PPP1R37: variants seen among roughly 807,000 people sequenced by gnomAD.
PPP1R37 encodes the protein protein phosphatase 1 regulatory subunit 37, also known as leucine rich repeat containing 68.
Under a neutral mutation model 61.0 loss-of-function variants are expected in PPP1R37, and 21 were observed. The observed-to-expected ratio is 0.34, with a 90% CI of 0.24 to 0.50. The LOEUF is 0.50. Ranked by LOEUF, PPP1R37 falls within the 20% of genes least tolerant of loss-of-function variation. The probability of loss-of-function intolerance (pLI) is 0.98; values close to 1 mark genes in which losing one functional copy is unlikely to be tolerated. For missense variants in PPP1R37, 910 were observed against 952.7 expected (o/e 0.96, Z 0.59); for synonymous variants, 443 against 433.5 (o/e 1.02, Z -0.27).
At position 45,140,519 on chromosome 19, in the gene PPP1R37, C is replaced by T; in HGVS notation, c.360C>T (p.Asp120=). Residue 120 remains aspartate (D), a synonymous_variant, in exon 4 of 13, where the codon GAC becomes GAT. Coordinates refer to ENST00000221462, the MANE Select transcript of PPP1R37 (RefSeq NM_019121.2). Reference sequence around the variant, plus strand: ...GTCTCCCCCCAGGTGAGAAGCTTGACTACAAGACCTGTGAGGCCCTGGAAG... The same window carrying T: ...GTCTCCCCCCAGGTGAGAAGCTTGATTACAAGACCTGTGAGGCCCTGGAAG... The part of the protein sequence containing the change: ...DCLDLKGEKL[D]YKTCEALEEV... The T allele has an allele frequency of 6.5e-7, 1 of 1,535,930 alleles. No individual in the cohort carries two copies. Among genetic ancestry groups the T allele is most frequent in the South Asian group, 1.2e-5 (1 of 84,064 alleles).
At chr19:45,123,249 G>T (rs758895135) in intron 1 of PPP1R37, among the ~76,000 whole-genome samples, 29 of 152,176 alleles carry the variant, frequency 1.9e-4, no homozygotes, top group Admixed American at 5.2e-4. Context: ...TGTCCCAGGG[G>T]TGAGTGCACC....
chr19:45,114,951 A>G (rs1968246107), intron 1 of PPP1R37, among the ~76,000 whole-genome samples: 1 of 152,192 alleles, frequency 6.6e-6, no homozygotes, highest in Admixed American at 6.5e-5. Context: ...ATCCCAGCAG[A>G]AAGCCCTGGG....
intron 3 of PPP1R37, 112 bp from the exon 4 acceptor site, chr19:45,140,394 C>T: frequency 7.8e-7 from 1 of 1,285,056 alleles, no homozygotes; most frequent in Non-Finnish European, 1.1e-6. Flanking sequence ...CTGAGCTCAG[C>T]CAGGGCAGGG....
chr19:45,099,790 A>C (rs1015508805), intron 1 of PPP1R37, among the ~76,000 whole-genome samples: 5 of 152,158 alleles, frequency 3.3e-5, no homozygotes, highest in Admixed American at 6.5e-5. Flanking sequence ...GGGATCAAAC[A>C]CCCCATGGTG....
chr19:45,116,275 G>T (rs984975334), intron 1 of PPP1R37, among the ~76,000 whole-genome samples: 4 of 152,250 alleles, frequency 2.6e-5, no homozygotes, highest in Non-Finnish European at 5.9e-5. Context: ...GGAAGGGAAG[G>T]CAGGCCTGTG....
In PPP1R37 at chr19:45,145,837, C is replaced by T. The variant is rs1374965642; in HGVS notation, c.1781C>T (p.Pro594Leu). Residue 594 changes from proline to leucine, a missense_variant, in exon 11 of 13, where the codon CCC becomes CTC. By Grantham distance (98) the Pro-to-Leu change is moderately conservative (BLOSUM62 -3). Around this residue, in one of 3 missense-constraint regions of PPP1R37, gnomAD observed 549 missense variants for 505.1 expected, o/e 1.09. Transcript: ENST00000221462. Reference sequence around the variant, plus strand: ...TCCCCCACCCCTCCCTCTCCCCCACCCCCTCCCTCCCCACCCGCCTCACCT... The same window carrying T: ...TCCCCCACCCCTCCCTCTCCCCCACTCCCTCCCTCCCCACCCGCCTCACCT... The part of the protein sequence containing the change: ...PASPTPPSPP[P>L]PPSPPASPSL... 2.8e-6 allele frequency: 4 copies of T among 1,405,272 alleles called. No homozygotes were observed. The highest frequency in any genetic ancestry group is 3.8e-6 in the Non-Finnish European group (4 of 1,052,150). 87.1% of individuals were successfully genotyped at this position (1,405,272 alleles called of 1,614,324 possible).
intron 1 of PPP1R37, among the ~76,000 whole-genome samples, chr19:45,125,231 G>A (rs981319647): frequency 3.9e-5 from 6 of 152,226 alleles, no homozygotes; most frequent in East Asian, 1.9e-4. Flanking sequence ...TTGGGAGGCC[G>A]AGGCGGGCGG....
intron 1 of PPP1R37, 39 bp downstream of exon 1, chr19:45,093,566 G>T: frequency 1.3e-6 from 2 of 1,498,674 alleles, no homozygotes; most frequent in South Asian, 1.2e-5. Context: ...GCTCGAGAGG[G>T]ACCCGGGAGT....
intron 1 of PPP1R37, among the ~76,000 whole-genome samples, chr19:45,096,500 T>C (rs1967995174): frequency 6.6e-6 from 1 of 152,228 alleles, no homozygotes; most frequent in African/African-American, 2.4e-5. Context: ...CTCATAAATT[T>C]CTGCCACATA....
chr19:45,128,551 A>G, intron 1 of PPP1R37: 1 of 1,225,918 alleles, frequency 8.2e-7, no homozygotes, highest in Non-Finnish European at 1.2e-6. Flanking sequence ...CGAGAGCTGG[A>G]ATCGAAGCCT....
At position 45,119,219 on chromosome 19, in the gene PPP1R37, A is replaced by T. The variant is rs1174261440; in HGVS notation, c.203-19295A>T. On this transcript the variant is annotated intron_variant, in intron 1 of 12. Coordinates refer to ENST00000221462, the MANE Select transcript of PPP1R37 (RefSeq NM_019121.2). ...ACCCAGGCTGGAGTGCAGTGACACG[A>T]TCTCAGCTCACTGCAGCCTCTGCTT... 8.7e-5 allele frequency among the ~76,000 whole-genome samples: 13 copies of T among 149,140 alleles called. No homozygotes were observed. In the East Asian group the frequency reaches 2.6e-3, roughly 29 times the overall value.
chr19:45,098,917 G>A (rs908083516), intron 1 of PPP1R37, among the ~76,000 whole-genome samples: 5 of 152,114 alleles, frequency 3.3e-5, no homozygotes, highest in African/African-American at 1.2e-4. Context: ...TGCTGGAGTT[G>A]GCAAGTAGAC....
At chr19:45,135,102 G>A (rs536237791) in intron 1 of PPP1R37, among the ~76,000 whole-genome samples, 1 of 152,188 alleles carries the variant, frequency 6.6e-6, no homozygotes, top group Non-Finnish European at 1.5e-5. Flanking sequence ...GCAAAAATTA[G>A]CCAGGTGTGG....
At chr19:45,136,443 C>G (rs1427686986) in intron 1 of PPP1R37, 2 of 152,112 alleles carry the variant, frequency 1.3e-5, no homozygotes, top group East Asian at 3.8e-4. Flanking sequence ...CTTTGGGGGT[C>G]AAATGGTTAA....
chr19:45,127,352 C>CAAA (rs11295552), intron 1 of PPP1R37, among the ~76,000 whole-genome samples: 17 of 69,622 alleles, frequency 2.4e-4, no homozygotes, highest in South Asian at 6.4e-4. Context: ...AACTCCATCT[C>CAAA]AAAAAAAAAA....
chr19:45,095,694 T>G (rs1967983592), intron 1 of PPP1R37, among the ~76,000 whole-genome samples: 1 of 145,696 alleles, frequency 6.9e-6, no homozygotes, highest in African/African-American at 2.6e-5. Flanking sequence ...GCCCAGGAGG[T>G]CGATAGTGCA....
intron 1 of PPP1R37, among the ~76,000 whole-genome samples, chr19:45,133,898 G>T (rs142410730): frequency 3.3e-4 from 51 of 152,346 alleles, no homozygotes; most frequent in African/African-American, 1.2e-3. Context: ...TCGTGAGTCC[G>T]CATTGAGTGC....
chr19:45,123,578 C>T (rs1941910766), intron 1 of PPP1R37, among the ~76,000 whole-genome samples: 1 of 152,202 alleles, frequency 6.6e-6, no homozygotes, highest in African/African-American at 2.4e-5. Context: ...TGTCCGCTCC[C>T]ACAGGTGTGG....
At chr19:45,115,365 T>G (rs918167661) in intron 1 of PPP1R37, among the ~76,000 whole-genome samples, 2 of 152,158 alleles carry the variant, frequency 1.3e-5, no homozygotes, top group Non-Finnish European at 2.9e-5. Context: ...AAGTCAGGCC[T>G]ACCTGTGCTG....
Sources: allele counts gnomAD v4.1 joint callset (sites outside exome capture counted in the v4.1 genomes callset), GRCh38; gene constraint gnomAD v4.1.1; regional missense constraint gnomAD v4.1.1; transcripts MANE v1.5; gene names NCBI Gene and HGNC (gene_info 2026-07-23, HGNC 2026-07-21).